The following KIDINS220 variants were observed in gnomAD, a reference collection of about 807,000 sequenced individuals.
KIDINS220 encodes the protein kinase D-interacting substrate of 220 kDa.
A neutral mutation model predicts 157.6 loss-of-function variants in KIDINS220; 63 were observed. That is an observed-to-expected ratio of 0.40 (90% CI 0.33 to 0.49). The LOEUF (loss-of-function observed/expected upper bound fraction) is 0.49, where lower values mean the gene tolerates loss of function less well. KIDINS220 is among the 20% of genes least tolerant of loss of function. The pLI, the probability that KIDINS220 is intolerant of heterozygous loss-of-function variation, is 0.66. For missense variants in KIDINS220, 1,772 were observed against 2,171.2 expected, an observed-to-expected ratio of 0.82 and a Z score of 3.65; for synonymous variants, 732 against 783.6, an observed-to-expected ratio of 0.93 and a Z score of 1.10.
chr2:8,832,204 G>A (rs1232456257), intron 1 of KIDINS220, among the ~76,000 whole-genome samples: 1 of 152,176 alleles, frequency 6.6e-6, no homozygotes, highest in Non-Finnish European at 1.5e-5. Flanking sequence ...CCTAGGACAG[G>A]CATTCTCCTT....
At chr2:8,790,992 A>G in intron 13 of KIDINS220, 68 bp downstream of exon 13, 1 of 1,463,384 alleles carries the variant, frequency 6.8e-7, no homozygotes, top group South Asian at 1.3e-5. Context: ...CTTCCTCTTT[A>G]TTTCAGAAAA....
intron 18 of KIDINS220, 43 bp from the exon 19 acceptor site, chr2:8,779,182 T>C: frequency 6.3e-7 from 1 of 1,596,224 alleles, no homozygotes; most frequent in Non-Finnish European, 8.5e-7. Context: ...CATTTTAAAT[T>C]GTCCAAAAGA....
At chr2:8,809,070 G>A (rs972750862) in intron 6 of KIDINS220, among the ~76,000 whole-genome samples, 3 of 152,102 alleles carry the variant, frequency 2.0e-5, no homozygotes, top group Non-Finnish European at 4.4e-5. Context: ...CCAGACTGGA[G>A]TGCAGTGGCA....
chr2:8,760,519 T>C (rs564856398), intron 22 of KIDINS220, among the ~76,000 whole-genome samples: 1 of 152,314 alleles, frequency 6.6e-6, no homozygotes, highest in African/African-American at 2.4e-5. Flanking sequence ...ATCTTTCAAG[T>C]TTCTAGATCA....
chr2:8,837,209 C>A (rs993220668), intron 1 of KIDINS220, among the ~76,000 whole-genome samples: 4 of 152,182 alleles, frequency 2.6e-5, no homozygotes, highest in Admixed American at 2.0e-4. Flanking sequence ...ACCCGAGGGG[C>A]CCCTCAGGAG....
At chr2:8,810,320 G>A (rs546304140) in intron 6 of KIDINS220, among the ~76,000 whole-genome samples, 2 of 152,152 alleles carry the variant, frequency 1.3e-5, no homozygotes, top group Admixed American at 1.3e-4. Context: ...TCTGTGCTAA[G>A]TGCAGGTACA....
In KIDINS220 at chr2:8,731,350, C is replaced by T. The variant is rs777163980; in HGVS notation, c.4686G>A (p.Pro1562=). 31 of 1,614,090 alleles carry T rather than the reference C, an allele frequency of 1.9e-5. No individual in the cohort carries two copies. The highest frequency in any genetic ancestry group is 5.0e-5 in the Admixed American group (3 of 60,004). The change falls in exon 30 of 30, where the codon CCG becomes CCA. Residue 1562 remains proline (P), a synonymous_variant. Coordinates refer to ENST00000256707, the MANE Select transcript of KIDINS220 (RefSeq NM_020738.4). The surrounding 1 kb of genome is among the most constrained non-coding windows in gnomAD (Gnocchi z 5.2). ...VPKSPEHSAE[P]IRTFIKAKEY... ...CTTTGGCTTTAATGAAGGTTCTGAT[C>T]GGCTCAGCACTGTGTTCTGGAGACT...
At chr2:8,800,045 GA>G (rs950116451) in intron 9 of KIDINS220, among the ~76,000 whole-genome samples, 2 of 151,944 alleles carry the variant, frequency 1.3e-5, no homozygotes, top group African/African-American at 4.8e-5. Flanking sequence ...AAAACAGGGA[GA>G]AAACACTAAA....
intron 6 of KIDINS220, among the ~76,000 whole-genome samples, chr2:8,808,846 C>G (rs1228728648): frequency 6.6e-6 from 1 of 152,202 alleles, no homozygotes; most frequent in Non-Finnish European, 1.5e-5. Flanking sequence ...AGGCTACCCT[C>G]TGAAGATAAT....
rs746160773 is a variant in KIDINS220 at position 8,796,781 on chromosome 2, G to C, written c.1088C>G (p.Ala363Gly). ...LLLDKGAKVS[A>G]VDKKGDTPLH... ...GCACAGATGTTTTACCTTATCTACA[G>C]CAGACACTTTAGCACCTTTATCTAG... The change falls in exon 11 of 30, where the codon GCT becomes GGT. Residue 363 changes from alanine to glycine, a missense_variant. This residue lies in a region of KIDINS220 where 725 missense variants were observed against 1,017.1 expected (regional missense o/e 0.71). Transcript: ENST00000256707. 1.9e-6 allele frequency: 3 copies of C among 1,613,176 alleles called. No homozygotes were observed. Among genetic ancestry groups the C allele is most frequent in the Non-Finnish European group, 1.7e-6 (2 of 1,179,132 alleles).
intron 28 of KIDINS220, 98 bp from the exon 29 acceptor site, chr2:8,733,778 C>A: frequency 1.3e-6 from 1 of 775,002 alleles, no homozygotes; most frequent in Non-Finnish European, 2.0e-6. Flanking sequence ...GCTATTGCAA[C>A]AGCAATGAGA....
In KIDINS220 at chr2:8,824,798, C is replaced by A. The variant is rs1482399332; in HGVS notation, c.108+2188G>T. ...AAATTTCTAGCCACAGATGAATAGA[C>A]CAAGAAAATGTGCTACGTACATACA... is the stretch of plus-strand genomic sequence containing the variant. On this transcript the variant is annotated intron_variant, in intron 2 of 29. Coordinates refer to ENST00000256707, the MANE Select transcript of KIDINS220 (RefSeq NM_020738.4). 2.6e-5 allele frequency among the ~76,000 whole-genome samples: 4 copies of A among 152,188 alleles called. No homozygotes were observed. The East Asian group carries it at 7.7e-4, about 29-fold the overall frequency.
At chr2:8,744,586 C>T (rs1312717086) in intron 26 of KIDINS220, among the ~76,000 whole-genome samples, 1 of 151,002 alleles carries the variant, frequency 6.6e-6, no homozygotes, top group African/African-American at 2.4e-5. Flanking sequence ...TGTATAGAGA[C>T]GGCTGACTGA....
chr2:8,762,020 C>A lies in KIDINS220; in HGVS notation c.3011+8650G>T, dbSNP rs1457938865. Among the ~76,000 whole-genome samples, 3 of 152,244 alleles carry A rather than the reference C, an allele frequency of 2.0e-5. No individual in the cohort carries two copies. In the East Asian group the frequency reaches 5.8e-4, roughly 29 times the overall value. ...TGTAATTTTTTTGGTAAATTGAATT[C>A]TTTAATAATCAGACTTGTTTGAAAA... On this transcript the variant is annotated intron_variant, in intron 22 of 29. Coordinates refer to ENST00000256707, the MANE Select transcript of KIDINS220 (RefSeq NM_020738.4).
At chr2:8,739,032 T>G (rs1267172443) in intron 26 of KIDINS220, among the ~76,000 whole-genome samples, 1 of 152,226 alleles carries the variant, frequency 6.6e-6, no homozygotes, top group Non-Finnish European at 1.5e-5. Flanking sequence ...AAATTAATCC[T>G]GTCAGCTTTG....
Position 8,731,015 on chromosome 2 carries a change from T to C in KIDINS220, c.5021A>G (p.Tyr1674Cys), listed in dbSNP as rs529873727. 55 of 1,614,228 alleles carry C rather than the reference T, an allele frequency of 3.4e-5. No individual in the cohort carries two copies. The South Asian group carries it at 5.3e-4, about 15-fold the overall frequency. The change falls in exon 30 of 30, where the codon TAC (tyrosine) becomes TGC (cysteine). Residue 1674 changes from tyrosine to cysteine, a missense_variant. By Grantham distance (194) the Tyr-to-Cys change is radical. Coordinates refer to ENST00000256707, the MANE Select transcript of KIDINS220 (RefSeq NM_020738.4). This position sits in a 1 kb window ranked among gnomAD's most constrained non-coding sequence, Gnocchi z 5.2. ...GGTGCTGGGAGTTCGGTTCAGGTTG[T>C]AGGCTTTCTGGCATGCAGGCCAGTT... ...EENWPACQKA[Y>C]NLNRTPSTVT...
In KIDINS220 at chr2:8,764,448, G is replaced by T. The variant is rs556679877; in HGVS notation, c.3011+6222C>A. On this transcript the variant is annotated intron_variant, in intron 22 of 29. Transcript: ENST00000256707. ...CCACCAGACCATGGCATTCATAAAT[G>T]GATTATGAATGTAAGAAACCTTAGA... Among the ~76,000 whole-genome samples, 4 of 152,232 alleles carry T rather than the reference G, an allele frequency of 2.6e-5. No individual in the cohort carries two copies. The South Asian group carries it at 8.3e-4, about 32-fold the overall frequency.
At chr2:8,823,630 A>G (rs1253084068) in intron 2 of KIDINS220, among the ~76,000 whole-genome samples, 2 of 152,166 alleles carry the variant, frequency 1.3e-5, no homozygotes, top group Admixed American at 6.5e-5. Flanking sequence ...CCTTATAGCA[A>G]TAAGATTAAT....
At chr2:8,774,105 G>A (rs1311183489) in intron 21 of KIDINS220, among the ~76,000 whole-genome samples, 1 of 151,894 alleles carries the variant, frequency 6.6e-6, no homozygotes, top group Non-Finnish European at 1.5e-5. Context: ...AGACCAGCCT[G>A]ACCAAAATGG....
Sources: allele counts gnomAD v4.1 joint callset (sites outside exome capture counted in the v4.1 genomes callset), GRCh38; gene constraint gnomAD v4.1.1; regional missense constraint gnomAD v4.1.1; non-coding constraint Gnocchi (gnomAD v3.1); transcripts MANE v1.5; gene names NCBI Gene and HGNC (gene_info 2026-07-23, HGNC 2026-07-21).